VIT: variants seen among roughly 807,000 people sequenced by gnomAD.
The protein encoded by VIT is vitrin.
A neutral mutation model predicts 78.0 loss-of-function variants in VIT; 99 were observed. The observed-to-expected ratio is 1.27, with a 90% CI of 1.08 to 1.50. The LOEUF (loss-of-function observed/expected upper bound fraction) is 1.50, where lower values mean the gene tolerates loss of function less well. Among genes scored for constraint, VIT ranks in the 40% most tolerant of loss-of-function variants. The pLI is 0.00. For missense variants in VIT, 1,126 were observed against 875.3 expected (o/e 1.29, Z -3.61); for synonymous variants, 374 against 334.3 (o/e 1.12, Z -1.29).
At chr2:36,775,999 G>A (rs768409545) in intron 9 of VIT, among the ~76,000 whole-genome samples, 14 of 152,178 alleles carry the variant, frequency 9.2e-5, no homozygotes, top group Non-Finnish European at 1.8e-4. Context: ...CTATAAAATC[G>A]TCAGATTATG....
rs186846938 is a variant in VIT, at chr2:36,745,496, G to A, written c.275+2240G>A. On this transcript the variant is annotated intron_variant, in intron 4 of 15. Transcript: ENST00000379242. ...GTCATCTCTGACTTCTTCCAGGAGTGTTTTACAATTCTCCTTGTGGAGATC... is the reference window on the plus strand; with the variant it reads ...GTCATCTCTGACTTCTTCCAGGAGTATTTTACAATTCTCCTTGTGGAGATC... Among the ~76,000 whole-genome samples, 7 of 152,224 alleles carry A rather than the reference G, an allele frequency of 4.6e-5. No homozygotes were observed. The East Asian group carries it at 1.4e-3, about 29-fold the overall frequency.
intron 12 of VIT, among the ~76,000 whole-genome samples, chr2:36,792,820 T>G (rs1219583089): frequency 6.6e-6 from 1 of 152,086 alleles, no homozygotes; most frequent in Non-Finnish European, 1.5e-5. Context: ...TCCACCCTCC[T>G]CCCTTTCTCT....
intron 2 of VIT, among the ~76,000 whole-genome samples, chr2:36,723,406 T>C (rs1666635146): frequency 6.6e-6 from 1 of 152,234 alleles, no homozygotes; most frequent in African/African-American, 2.4e-5. Context: ...AGAATGGCCC[T>C]GCCTGCTTAT....
intron 9 of VIT, 89 bp from the exon 10 acceptor site, chr2:36,781,638 G>C: frequency 6.8e-7 from 1 of 1,473,708 alleles, no homozygotes; most frequent in Non-Finnish European, 9.4e-7. Flanking sequence ...ACACAATTGG[G>C]AAACCTTATC....
At chr2:36,801,129 A>G (rs1478767196) in intron 12 of VIT, among the ~76,000 whole-genome samples, 172 bp from the exon 13 acceptor site, 2 of 152,252 alleles carry the variant, frequency 1.3e-5, no homozygotes, top group African/African-American at 2.4e-5. Flanking sequence ...GAGCCTTGAA[A>G]TAGCCTCCTT....
intron 2 of VIT, among the ~76,000 whole-genome samples, chr2:36,724,543 A>C (rs1222797814): frequency 6.6e-6 from 1 of 152,162 alleles, no homozygotes; most frequent in African/African-American, 2.4e-5. Context: ...ATTGCTGGGG[A>C]GGAGTGAAGA....
At chr2:36,767,324 A>G in intron 7 of VIT, 39 bp downstream of exon 7, 1 of 1,448,462 alleles carries the variant, frequency 6.9e-7, no homozygotes, top group Non-Finnish European at 9.1e-7. Flanking sequence ...TGCTAGGGAA[A>G]TGGGAAATTG....
chr2:36,786,438 A>G (rs1483798479), intron 11 of VIT, among the ~76,000 whole-genome samples: 1 of 152,138 alleles, frequency 6.6e-6, no homozygotes, highest in Non-Finnish European at 1.5e-5. Flanking sequence ...CAGCCCATCC[A>G]TCCCTTTACC....
intron 8 of VIT, 165 bp from the exon 9 acceptor site, chr2:36,774,837 A>G (rs1669955776): frequency 3.0e-6 from 3 of 985,200 alleles, no homozygotes; most frequent in Admixed American, 6.2e-5. Context: ...CTTGGCCAAG[A>G]TTTTTGCCTC....
rs142447933 is a variant in VIT at position 36,709,357 on chromosome 2, T to C, written c.-18-6996T>C. Among the ~76,000 whole-genome samples the C allele has an allele frequency of 3.3e-5, 5 of 152,230 alleles. No homozygotes were observed. In the East Asian group the frequency reaches 9.6e-4, roughly 29 times the overall value. On this transcript the variant is annotated intron_variant, in intron 1 of 15. Transcript: ENST00000379242. ...TGCTTCCAATTCCTTACCTCTAAAATGAAAGCAAGAAATAGTCTCTACCTC... is the reference window on the plus strand; with the variant it reads ...TGCTTCCAATTCCTTACCTCTAAAACGAAAGCAAGAAATAGTCTCTACCTC...
chr2:36,746,250 T>A lies in VIT; in HGVS notation c.275+2994T>A, dbSNP rs139207829. 7.2e-5 allele frequency among the ~76,000 whole-genome samples: 11 copies of A among 152,268 alleles called. No individual in the cohort carries two copies. The East Asian group carries it at 2.1e-3, about 29-fold the overall frequency. ...TTTTTGCATCTATGTTCATCAGAGA[T>A]ATTGGTCTGTAGTTTTATTTTTTTC... On this transcript the variant is annotated intron_variant, in intron 4 of 15. Coordinates refer to ENST00000379242, the MANE Select transcript of VIT (RefSeq NM_053276.4).
At chr2:36,768,692 G>C (rs1669582701) in intron 7 of VIT, among the ~76,000 whole-genome samples, 2 of 152,106 alleles carry the variant, frequency 1.3e-5, no homozygotes, top group Non-Finnish European at 2.9e-5. Context: ...TTCCTTGCAG[G>C]GGAGCATCCC....
chr2:36,726,578 C>G (rs1666860001), intron 2 of VIT, among the ~76,000 whole-genome samples: 1 of 152,024 alleles, frequency 6.6e-6, no homozygotes, highest in African/African-American at 2.4e-5. Context: ...TGTGGTGGCT[C>G]ATGCCGAGGC....
chr2:36,776,522 C>T (rs776777620), intron 9 of VIT, among the ~76,000 whole-genome samples: 5 of 152,068 alleles, frequency 3.3e-5, no homozygotes, highest in African/African-American at 7.2e-5. Context: ...ATAGTTAGGC[C>T]GGGTGCGGTG....
At chr2:36,786,942 G>A (rs1289890213) in intron 11 of VIT, among the ~76,000 whole-genome samples, 187 bp from the exon 12 acceptor site, 1 of 152,220 alleles carries the variant, frequency 6.6e-6, no homozygotes, top group Admixed American at 6.5e-5. Flanking sequence ...TAGCCTAAGT[G>A]TCCAAGACCC....
rs754506763 is a variant in VIT at position 36,808,507 on chromosome 2, C to G, written c.1425C>G (p.His475Gln). 6.2e-7 allele frequency: 1 copy of G among 1,612,420 alleles called. No individual in the cohort carries two copies. Among genetic ancestry groups the G allele is most frequent in the Non-Finnish European group, 8.5e-7 (1 of 1,178,784 alleles). ...VCRTNGFYSL[H>Q]VQSWFGLHKT... is the part of the protein sequence containing the mutation. ...GAACAAACGGCTTCTACTCGCTCCA[C>G]GTGCAGAGCTGGTTTGGCCTCCACA... is the stretch of plus-strand genomic sequence containing the variant. The change falls in exon 15 of 16, where the codon CAC becomes CAG. Residue 475 changes from histidine to glutamine, a missense_variant. By Grantham distance (24) the His-to-Gln change is conservative. Transcript: ENST00000379242.
At chr2:36,776,828 C>T (rs1195739841) in intron 9 of VIT, among the ~76,000 whole-genome samples, 1 of 151,170 alleles carries the variant, frequency 6.6e-6, no homozygotes, top group Non-Finnish European at 1.5e-5. Context: ...CGGTGGCTCA[C>T]ACCTGTATCC....
chr2:36,758,825 G>A, intron 5 of VIT, 144 bp from the exon 6 acceptor site: 1 of 741,996 alleles, frequency 1.3e-6, no homozygotes, highest in Non-Finnish European at 2.2e-6. Flanking sequence ...CATTCTCATT[G>A]TAATCAACTA....
At chr2:36,787,941 C>T (rs150774897) in intron 12 of VIT, 20 of 368,098 alleles carry the variant, frequency 5.4e-5, no homozygotes, top group African/African-American at 4.1e-4. Context: ...CTCGTGTTGA[C>T]ATCCAGTCTC....
Sources: allele counts gnomAD v4.1 joint callset (sites outside exome capture counted in the v4.1 genomes callset), GRCh38; gene constraint gnomAD v4.1.1; transcripts MANE v1.5; gene names NCBI Gene and HGNC (gene_info 2026-07-23, HGNC 2026-07-21).